GRAMD1B: variants seen among roughly 807,000 people sequenced by gnomAD.
The protein encoded by GRAMD1B is protein Aster-B.
Under a neutral mutation model 99.7 loss-of-function variants are expected in GRAMD1B, and 37 were observed. The ratio of observed to expected loss-of-function variants is 0.37; its 90% confidence interval spans 0.29 to 0.49. The LOEUF (loss-of-function observed/expected upper bound fraction) is 0.49, where lower values mean the gene tolerates loss of function less well. Among genes scored for constraint, GRAMD1B ranks in the 20% least tolerant of loss-of-function variants. The pLI, the probability that GRAMD1B is intolerant of heterozygous loss-of-function variation, is 0.98. For missense variants in GRAMD1B, 888 were observed against 1,009.2 expected, an observed-to-expected ratio of 0.88 and a Z score of 1.63; for synonymous variants, 427 against 387.6, an observed-to-expected ratio of 1.10 and a Z score of -1.19.
chr11:123,527,718 A>G (rs1035338839), intron 2 of GRAMD1B, among the ~76,000 whole-genome samples: 11 of 152,310 alleles, frequency 7.2e-5, no homozygotes, highest in Admixed American at 6.5e-4. Flanking sequence ...CAGGTGCTGC[A>G]GGAACACTGG....
chr11:123,515,784 T>TC (rs1368119994), intron 2 of GRAMD1B, among the ~76,000 whole-genome samples: 4 of 152,176 alleles, frequency 2.6e-5, no homozygotes, highest in Non-Finnish European at 4.4e-5. Context: ...TTTTTTTTTT[T>TC]TGAGGCAGAG....
At chr11:123,498,692 C>G (rs1472080212) in intron 2 of GRAMD1B, among the ~76,000 whole-genome samples, 1 of 152,098 alleles carries the variant, frequency 6.6e-6, no homozygotes. Context: ...TTATGAGTGT[C>G]CCGCTGGTTA....
chr11:123,383,925 C>A (rs1383459073), intron 1 of GRAMD1B, among the ~76,000 whole-genome samples: 1 of 151,954 alleles, frequency 6.6e-6, no homozygotes. Flanking sequence ...GGCTGGAGTG[C>A]AGTGACGCGA....
Position 123,600,656 on chromosome 11 carries a change from G to A in GRAMD1B, c.1050+108G>A. The A allele has an allele frequency of 4.5e-6, 3 of 671,858 alleles. No homozygotes were observed. In the South Asian group the frequency reaches 5.6e-5, roughly 13 times the overall value. The allele number at this position is 671,858 out of a possible 1,614,324, so 41.6% of individuals were successfully genotyped here. ...CCACTGATAGTATTCTCCCACTGAT[G>A]GTATTGGCCTGAGTCCTGAAAGTAG... On this transcript the variant is annotated intron_variant, in intron 8 of 19. Coordinates refer to ENST00000635736, the MANE Select transcript of GRAMD1B (RefSeq NM_001387025.1).
chr11:123,549,378 T>C (rs1401047307), intron 2 of GRAMD1B, among the ~76,000 whole-genome samples: 1 of 151,948 alleles, frequency 6.6e-6, no homozygotes, highest in Non-Finnish European at 1.5e-5. Context: ...CCATCTCTAC[T>C]AAAAATACAA....
At chr11:123,588,678 T>C (rs766623138) in intron 4 of GRAMD1B, among the ~76,000 whole-genome samples, 1 of 152,162 alleles carries the variant, frequency 6.6e-6, no homozygotes, top group Non-Finnish European at 1.5e-5. Flanking sequence ...GCACGTGTGC[T>C]GGGGAGAGTG....
intron 1 of GRAMD1B, among the ~76,000 whole-genome samples, chr11:123,457,587 G>A (rs11600841): frequency 0.046 from 7,017 of 152,296 alleles, 192 homozygotes; most frequent in African/African-American, 0.074. Flanking sequence ...CTGAAGTTCA[G>A]AACAATGGGG....
At chr11:123,589,614 T>TTATATATATATATATATATATATATA (rs71060517) in intron 4 of GRAMD1B, among the ~76,000 whole-genome samples, 81 of 128,192 alleles carry the variant, frequency 6.3e-4, no homozygotes, top group African/African-American at 2.6e-3. Flanking sequence ...TGGCTAATTT[T>TTATATATATATATATATATATATATA]TATATATATA....
At chr11:123,521,450 A>G (rs1308365633) in intron 2 of GRAMD1B, among the ~76,000 whole-genome samples, 1 of 152,222 alleles carries the variant, frequency 6.6e-6, no homozygotes, top group African/African-American at 2.4e-5. Flanking sequence ...CTCAACCAAT[A>G]TATGTTGCAC....
rs573507942 is a variant in GRAMD1B at position 123,422,035 on chromosome 11, G to A, written c.-175-58781G>A. Among the ~76,000 whole-genome samples, 511 of 152,304 alleles carry A rather than the reference G, an allele frequency of 3.4e-3. 1 individual carries two copies. Among genetic ancestry groups the A allele is most frequent in the African/African-American group, 0.012 (479 of 41,566 alleles). On this transcript the variant is annotated intron_variant, in intron 1 of 20. Coordinates refer to the GRAMD1B transcript ENST00000638157. Reference sequence around the variant, plus strand: ...TAGACCCTGAAAGCTACAAAAAGACGTTGTAGATTACCTAGCATAACTCAT... The same window carrying A: ...TAGACCCTGAAAGCTACAAAAAGACATTGTAGATTACCTAGCATAACTCAT...
intron 2 of GRAMD1B, among the ~76,000 whole-genome samples, chr11:123,536,994 A>T (rs1323792708): frequency 6.6e-6 from 1 of 152,206 alleles, no homozygotes; most frequent in African/African-American, 2.4e-5. Context: ...CATGCTAAGG[A>T]TCTTTAGTGT....
At chr11:123,463,048 A>T (rs772799205) in intron 1 of GRAMD1B, among the ~76,000 whole-genome samples, 5 of 152,062 alleles carry the variant, frequency 3.3e-5, no homozygotes, top group Admixed American at 6.5e-5. Context: ...TCACTTTGTC[A>T]CCCAGGCTGG....
At chr11:123,519,028 C>T (rs1941945627) in intron 2 of GRAMD1B, among the ~76,000 whole-genome samples, 1 of 152,222 alleles carries the variant, frequency 6.6e-6, no homozygotes, top group African/African-American at 2.4e-5. Context: ...AACAGCCCCG[C>T]TTTGCTCTGC....
At chr11:123,450,940 C>T (rs927641618) in intron 1 of GRAMD1B, among the ~76,000 whole-genome samples, 3 of 152,066 alleles carry the variant, frequency 2.0e-5, no homozygotes, top group African/African-American at 7.3e-5. Context: ...GTAATGAAAG[C>T]CTGGAAAACA....
intron 12 of GRAMD1B, 62 bp downstream of exon 12, chr11:123,608,864 T>C: frequency 9.0e-7 from 1 of 1,116,484 alleles, no homozygotes; most frequent in Non-Finnish European, 1.3e-6. Flanking sequence ...CTTCCCTCTC[T>C]ACATTTGCTT....
At chr11:123,486,520 C>T (rs1937790801) in intron 2 of GRAMD1B, among the ~76,000 whole-genome samples, 1 of 149,054 alleles carries the variant, frequency 6.7e-6, no homozygotes, top group Non-Finnish European at 1.5e-5. Flanking sequence ...TGCAGTCCAG[C>T]CTGGGTGACA....
At position 123,591,479 on chromosome 11, in the gene GRAMD1B, C is replaced by T. The variant is rs1950635437; in HGVS notation, c.685-2603C>T. On this transcript the variant is annotated intron_variant, in intron 4 of 19. Transcript: ENST00000635736. This position sits in a 1 kb window ranked among gnomAD's most constrained non-coding sequence, Gnocchi z 4.7. Reference sequence around the variant, plus strand: ...GCTGCTGCAGTGGTACCTGAAGCAGCTTGGCCATGCACCTGCTGCCGCTGA... The same window carrying T: ...GCTGCTGCAGTGGTACCTGAAGCAGTTTGGCCATGCACCTGCTGCCGCTGA... The T allele has an allele frequency of 2.5e-6, 1 of 399,048 alleles. No individual in the cohort carries two copies. Among genetic ancestry groups the T allele is most frequent in the Non-Finnish European group, 4.4e-6 (1 of 226,084 alleles). 24.7% of individuals were successfully genotyped at this position (399,048 alleles called of 1,614,324 possible). A position where few individuals can be genotyped will look rare whatever the true frequency, so the allele number is the denominator to read the frequency against.
At chr11:123,544,303 C>G (rs1248535911) in intron 2 of GRAMD1B, among the ~76,000 whole-genome samples, 1 of 152,250 alleles carries the variant, frequency 6.6e-6, no homozygotes, top group African/African-American at 2.4e-5. Context: ...GAAAGGTACC[C>G]AAGGTCAAGT....
At chr11:123,526,657 C>T in intron 2 of GRAMD1B, among the ~76,000 whole-genome samples, 1 of 152,244 alleles carries the variant, frequency 6.6e-6, no homozygotes, top group Middle Eastern at 3.4e-3. Context: ...TAGGGGCATC[C>T]CTCTGAGGGG....
Sources: allele counts gnomAD v4.1 joint callset (sites outside exome capture counted in the v4.1 genomes callset), GRCh38; gene constraint gnomAD v4.1.1; non-coding constraint Gnocchi (gnomAD v3.1); transcripts MANE v1.5; gene names NCBI Gene and HGNC (gene_info 2026-07-23, HGNC 2026-07-21).